MYRIP: variants seen among roughly 807,000 people sequenced by gnomAD.
MYRIP encodes rab effector MyRIP.
MYRIP carries 49 observed loss-of-function variants against 98.0 expected under a neutral mutation model. The ratio of observed to expected loss-of-function variants is 0.50; its 90% CI spans 0.40 to 0.63. The LOEUF is 0.63. Ranked by LOEUF, MYRIP falls within the 30% of genes least tolerant of loss-of-function variation. The pLI is 0.00. For missense variants in MYRIP, 1,004 were observed against 1,058.2 expected (o/e 0.95, Z 0.71); for synonymous variants, 404 against 409.5 (o/e 0.99, Z 0.16).
intron 11 of MYRIP, among the ~76,000 whole-genome samples, chr3:40,224,100 C>T (rs182590054): frequency 2.4e-4 from 37 of 152,166 alleles, no homozygotes; most frequent in Admixed American, 5.2e-4. Flanking sequence ...AAGGGAAAAG[C>T]GGCGAGAGAG....
At chr3:40,100,171 C>A (rs1948918243) in intron 3 of MYRIP, 1 of 985,216 alleles carries the variant, frequency 1.0e-6, no homozygotes, top group African/African-American at 1.7e-5. Context: ...TGCCCTGTGT[C>A]CTGGCGTTTA....
intron 2 of MYRIP, among the ~76,000 whole-genome samples, chr3:39,957,050 CA>C (rs1466574067): frequency 5.3e-5 from 8 of 151,714 alleles, no homozygotes; most frequent in Non-Finnish European, 1.2e-4. Context: ...GCCTACCAAC[CA>C]AAAAAAGTCC....
chr3:40,054,796 G>A (rs190485823), intron 3 of MYRIP, among the ~76,000 whole-genome samples: 23 of 152,294 alleles, frequency 1.5e-4, no homozygotes, highest in Admixed American at 1.2e-3. Context: ...ATGTTAGCTA[G>A]AATGAAGGGG....
intron 3 of MYRIP, among the ~76,000 whole-genome samples, chr3:40,139,031 T>G (rs1331037004): frequency 6.6e-6 from 1 of 152,206 alleles, no homozygotes; most frequent in African/African-American, 2.4e-5. Context: ...TTCTATGAGA[T>G]CAATTTATTT....
At chr3:40,128,746 C>T (rs1488527312) in intron 3 of MYRIP, among the ~76,000 whole-genome samples, 3 of 152,182 alleles carry the variant, frequency 2.0e-5, no homozygotes. Context: ...AAATCACATT[C>T]TTACAGTTTT....
intron 1 of MYRIP, among the ~76,000 whole-genome samples, chr3:39,815,900 T>C (rs1940888206): frequency 6.7e-6 from 1 of 149,304 alleles, no homozygotes; most frequent in Admixed American, 6.6e-5. Flanking sequence ...TTTTTTTTTT[T>C]CAATTATGCT....
At chr3:40,069,263 C>T (rs1948178257) in intron 3 of MYRIP, among the ~76,000 whole-genome samples, 2 of 152,140 alleles carry the variant, frequency 1.3e-5, no homozygotes, top group African/African-American at 2.4e-5. Context: ...GCACCACCAC[C>T]TACTTTTTAT....
chr3:40,237,109 G>A (rs1952846868), intron 12 of MYRIP, among the ~76,000 whole-genome samples: 1 of 152,198 alleles, frequency 6.6e-6, no homozygotes, highest in African/African-American at 2.4e-5. Context: ...TTGAGGCCAG[G>A]AGTTTGAGGT....
At chr3:40,080,485 G>A (rs1181313002) in intron 3 of MYRIP, among the ~76,000 whole-genome samples, 1 of 151,920 alleles carries the variant, frequency 6.6e-6, no homozygotes, top group East Asian at 1.9e-4. Flanking sequence ...AAGAAAAAAA[G>A]TGTATATAAA....
intron 3 of MYRIP, among the ~76,000 whole-genome samples, chr3:40,054,866 G>C (rs1484560156): frequency 6.6e-6 from 1 of 152,180 alleles, no homozygotes; most frequent in Non-Finnish European, 1.5e-5. Context: ...AATTACTGGA[G>C]ATTTTAGCAA....
intron 8 of MYRIP, among the ~76,000 whole-genome samples, chr3:40,175,975 AC>A (rs550568940): frequency 3.3e-4 from 51 of 152,370 alleles, no homozygotes; most frequent in Non-Finnish European, 6.6e-4. Flanking sequence ...GTGAGGAACA[AC>A]CATTGCTTGA....
At position 40,190,344 on chromosome 3, in the gene MYRIP, G is replaced by GC; in HGVS notation, c.1552dup (p.His518ProfsTer42). ...CTCGGACAGCAGCGAGCCGGAGGAG[G>GC]CCCCCCACACCACAGACCGGCGGGC... is the stretch of plus-strand genomic sequence containing the variant. On this transcript the variant is annotated frameshift_variant, in exon 10 of 17. Transcript: ENST00000302541. LOFTEE classifies it high-confidence loss of function. The GC allele has an allele frequency of 6.2e-7, 1 of 1,613,924 alleles. No individual in the cohort carries two copies. Among genetic ancestry groups the GC allele is most frequent in the Non-Finnish European group, 8.5e-7 (1 of 1,179,942 alleles).
intron 2 of MYRIP, among the ~76,000 whole-genome samples, chr3:40,030,756 T>C (rs912203885): frequency 1.3e-5 from 2 of 152,128 alleles, no homozygotes; most frequent in African/African-American, 4.8e-5. Context: ...TTCATTTATA[T>C]AAAATGTTCA....
chr3:40,025,620 T>G (rs1189387549), intron 2 of MYRIP, among the ~76,000 whole-genome samples: 1 of 152,144 alleles, frequency 6.6e-6, no homozygotes, highest in African/African-American at 2.4e-5. Flanking sequence ...TTCTTTCTAT[T>G]TTCCCTAAGT....
At chr3:40,082,539 G>T in intron 3 of MYRIP, among the ~76,000 whole-genome samples, 1 of 151,724 alleles carries the variant, frequency 6.6e-6, no homozygotes, top group East Asian at 1.9e-4. Flanking sequence ...TTATTTTCTG[G>T]GCCAGAAATC....
intron 3 of MYRIP, among the ~76,000 whole-genome samples, chr3:40,103,056 G>C (rs1948978333): frequency 6.6e-6 from 1 of 151,872 alleles, no homozygotes; most frequent in South Asian, 2.1e-4. Flanking sequence ...GACACCTGCA[G>C]TATATCACCA....
chr3:40,239,729 C>A (rs1311285036), intron 12 of MYRIP, among the ~76,000 whole-genome samples: 1,966 of 144,174 alleles, frequency 0.014, no homozygotes, highest in African/African-American at 0.052. Context: ...CTGTTCATGT[C>A]CTTTGCCCAC....
At chr3:39,829,780 T>G (rs1343198523) in intron 1 of MYRIP, among the ~76,000 whole-genome samples, 1 of 152,174 alleles carries the variant, frequency 6.6e-6, no homozygotes. Context: ...TAAAAAAAAT[T>G]GCATGAGTTG....
At chr3:40,092,563 C>G (rs1559397292) in intron 3 of MYRIP, among the ~76,000 whole-genome samples, 1 of 152,136 alleles carries the variant, frequency 6.6e-6, no homozygotes, top group Non-Finnish European at 1.5e-5. Flanking sequence ...GGTTGGTCAC[C>G]CAGAACCCTG....
Sources: allele counts gnomAD v4.1 joint callset (sites outside exome capture counted in the v4.1 genomes callset), GRCh38; gene constraint gnomAD v4.1.1; transcripts MANE v1.5; gene names NCBI Gene and HGNC (gene_info 2026-07-23, HGNC 2026-07-21).